RIMS1: variants seen among roughly 807,000 people sequenced by gnomAD.
RIMS1 encodes the protein regulating synaptic membrane exocytosis 1.
In RIMS1, 83 loss-of-function variants were observed where a neutral mutation model predicts 214.1. The ratio of observed to expected loss-of-function variants is 0.39; its 90% CI spans 0.32 to 0.47. The LOEUF (loss-of-function observed/expected upper bound fraction) is 0.47, where lower values mean the gene tolerates loss of function less well. Among genes scored for constraint, RIMS1 ranks in the 20% least tolerant of loss-of-function variants. The pLI is 0.99. For missense variants in RIMS1, 2,050 were observed against 2,161.8 expected (o/e 0.95, Z 1.03); for synonymous variants, 793 against 786.8 (o/e 1.01, Z -0.13).
At chr6:72,287,002 A>T (rs140825030) in intron 24 of RIMS1, among the ~76,000 whole-genome samples, 172 of 152,326 alleles carry the variant, frequency 1.1e-3, no homozygotes, top group African/African-American at 4.1e-3. Context: ...AAAGAAATGT[A>T]TCATATTTTC....
intron 16 of RIMS1, among the ~76,000 whole-genome samples, chr6:72,254,330 TTTTA>T (rs1400919201): frequency 6.6e-6 from 1 of 152,206 alleles, no homozygotes; most frequent in Non-Finnish European, 1.5e-5. Context: ...TGCTCTCTGT[TTTTA>T]TTTCTTAGAA....
intron 1 of RIMS1, 121 bp downstream of exon 1, chr6:71,887,308 C>A: frequency 2.3e-6 from 3 of 1,291,730 alleles, no homozygotes; most frequent in Non-Finnish European, 3.2e-6. Flanking sequence ...TGGGTGCGGA[C>A]GGAGGCGCCC....
At chr6:72,150,025 G>C (rs141140398) in intron 4 of RIMS1, among the ~76,000 whole-genome samples, 1 of 152,258 alleles carries the variant, frequency 6.6e-6, no homozygotes, top group African/African-American at 2.4e-5. Context: ...ACAATCGAAA[G>C]GTGAGGGGGG....
intron 6 of RIMS1, among the ~76,000 whole-genome samples, chr6:72,202,947 C>G (rs926989347): frequency 6.6e-6 from 1 of 152,098 alleles, no homozygotes; most frequent in African/African-American, 2.4e-5. Context: ...TGCCTTGTAC[C>G]TGATACATAG....
intron 2 of RIMS1, among the ~76,000 whole-genome samples, chr6:72,050,216 A>G (rs1055282065): frequency 1.3e-5 from 2 of 152,044 alleles, no homozygotes; most frequent in Non-Finnish European, 1.5e-5. Context: ...TGTAATATCT[A>G]TTTTTTTAAG....
chr6:72,358,249 A>G (rs901824678), intron 29 of RIMS1, among the ~76,000 whole-genome samples: 6 of 152,226 alleles, frequency 3.9e-5, no homozygotes, highest in African/African-American at 1.4e-4. Context: ...GACTATGGCC[A>G]GGAGTCAAGG....
intron 4 of RIMS1, among the ~76,000 whole-genome samples, chr6:72,170,916 A>G (rs1208718748): frequency 6.6e-6 from 1 of 152,214 alleles, no homozygotes; most frequent in African/African-American, 2.4e-5. Flanking sequence ...CTATGTGTCA[A>G]ACACAGTTTT....
At chr6:72,265,318 T>C in intron 20 of RIMS1, 72 bp from the exon 21 acceptor site, 1 of 851,216 alleles carries the variant, frequency 1.2e-6, no homozygotes, top group Non-Finnish European at 1.8e-6. Flanking sequence ...TTGTCATTTG[T>C]ATATTGTTGT....
chr6:71,987,961 T>C (rs1800510003), intron 2 of RIMS1, among the ~76,000 whole-genome samples: 1 of 152,116 alleles, frequency 6.6e-6, no homozygotes, highest in Admixed American at 6.6e-5. Context: ...GTTGTTCTAG[T>C]TCTGTTACTC....
chr6:72,197,387 A>G (rs2051166842), intron 6 of RIMS1, among the ~76,000 whole-genome samples: 1 of 152,124 alleles, frequency 6.6e-6, no homozygotes, highest in South Asian at 2.1e-4. Context: ...GAGATCATTC[A>G]AGAGCAGAAG....
intron 2 of RIMS1, among the ~76,000 whole-genome samples, chr6:72,012,396 G>A (rs1364622696): frequency 2.6e-5 from 4 of 152,094 alleles, no homozygotes; most frequent in Non-Finnish European, 5.9e-5. Flanking sequence ...GAGTTAATGG[G>A]TGCAGCACAC....
chr6:72,271,135 G>A (rs909265873), intron 22 of RIMS1, among the ~76,000 whole-genome samples: 4 of 151,414 alleles, frequency 2.6e-5, no homozygotes, highest in African/African-American at 9.7e-5. Flanking sequence ...GCGTGGCGGT[G>A]TGCACCTGTG....
At chr6:72,345,542 T>C (rs988216069) in intron 29 of RIMS1, among the ~76,000 whole-genome samples, 3 of 151,910 alleles carry the variant, frequency 2.0e-5, no homozygotes, top group Non-Finnish European at 2.9e-5. Flanking sequence ...GTAGAGCTTA[T>C]GTTCTCAACC....
intron 2 of RIMS1, among the ~76,000 whole-genome samples, chr6:72,065,507 T>C (rs1829063522): frequency 6.6e-6 from 1 of 152,296 alleles, no homozygotes; most frequent in South Asian, 2.1e-4. Context: ...TAGTTGTTTG[T>C]TCCTCTCCGA....
At chr6:72,265,143 T>G (rs1287733933) in intron 20 of RIMS1, 91 bp downstream of exon 20, 2 of 720,756 alleles carry the variant, frequency 2.8e-6, no homozygotes, top group Non-Finnish European at 4.5e-6. Flanking sequence ...TCTAATAAAA[T>G]ATTAAATAGG....
chr6:72,336,258 G>A (rs990284716), intron 29 of RIMS1, among the ~76,000 whole-genome samples: 17 of 151,710 alleles, frequency 1.1e-4, no homozygotes, highest in African/African-American at 3.1e-4. Context: ...CTTGAGCATA[G>A]TTTTCTTATA....
intron 4 of RIMS1, among the ~76,000 whole-genome samples, chr6:72,142,885 A>G (rs2042243254): frequency 6.6e-6 from 1 of 152,216 alleles, no homozygotes; most frequent in Non-Finnish European, 1.5e-5. Flanking sequence ...TTAACCTAGT[A>G]TATGAAGTAC....
chr6:71,997,880 T>C (rs1803947528), intron 2 of RIMS1, among the ~76,000 whole-genome samples: 1 of 152,132 alleles, frequency 6.6e-6, no homozygotes, highest in South Asian at 2.1e-4. Flanking sequence ...GCCACTCTAT[T>C]CTAGAGAAAA....
intron 2 of RIMS1, among the ~76,000 whole-genome samples, chr6:72,022,977 C>A (rs981141578): frequency 6.6e-6 from 1 of 152,140 alleles, no homozygotes; most frequent in Admixed American, 6.5e-5. Context: ...CATAAATGTA[C>A]AGATTTTAGT....
Sources: gnomAD v4.1 joint callset for allele counts (sites outside exome capture counted in the v4.1 genomes callset) on GRCh38, gnomAD v4.1.1 for gene constraint, MANE v1.5 for transcripts, NCBI Gene and HGNC (gene_info 2026-07-23, HGNC 2026-07-21) for gene names.